PCDHGA2: variants seen among roughly 807,000 people sequenced by gnomAD.
PCDHGA2 encodes protocadherin gamma-A2.
In PCDHGA2, 40 loss-of-function variants were observed where a neutral mutation model predicts 59.2. The observed-to-expected ratio is 0.68, with a 90% CI of 0.52 to 0.88. PCDHGA2 has a LOEUF of 0.88. PCDHGA2 is among the 40% of genes least tolerant of loss of function. The pLI, the probability that PCDHGA2 is intolerant of heterozygous loss-of-function variation, is 0.00. For missense variants in PCDHGA2, 1,226 were observed against 1,204.0 expected (o/e 1.02, Z -0.27); for synonymous variants, 560 against 526.0 (o/e 1.06, Z -0.89).
At chr5:141,461,225 T>C (rs1157429654) in intron 1 of PCDHGA2, among the ~76,000 whole-genome samples, 3 of 152,162 alleles carry the variant, frequency 2.0e-5, no homozygotes, top group African/African-American at 7.2e-5. Flanking sequence ...CTGTTTTCCA[T>C]AGAGGTTGTA....
chr5:141,481,724 C>T (rs1301509633), intron 1 of PCDHGA2, among the ~76,000 whole-genome samples: 2 of 151,882 alleles, frequency 1.3e-5, no homozygotes. Context: ...GAGGCGGAGG[C>T]GGGCGGATCA....
Position 141,439,440 on chromosome 5 carries a change from A to T in PCDHGA2, c.2425-55367A>T, listed in dbSNP as rs147662506. 1.4e-3 allele frequency among the ~76,000 whole-genome samples: 212 copies of T among 152,330 alleles called. 1 individual carries two copies. The highest frequency in any genetic ancestry group is 4.8e-3 in the African/African-American group (198 of 41,576). On this transcript the variant is annotated intron_variant, in intron 1 of 3. Transcript: ENST00000394576. Reference sequence around the variant, plus strand: ...GGTTATAAATTCCCAGGAATATTTTATTGCGGGAGCAAGACTGCACTGCTG... The same window carrying T: ...GGTTATAAATTCCCAGGAATATTTTTTTGCGGGAGCAAGACTGCACTGCTG...
At position 141,498,920 on chromosome 5, in the gene PCDHGA2, G is replaced by A. The variant is rs930391165; in HGVS notation, c.2483+4055G>A. On this transcript the variant is annotated intron_variant, in intron 2 of 3. Transcript: ENST00000394576. ...TGCACTCCAGTCTGGGTGACAGAGC[G>A]AGACTCCATCAGGAAAGAAAGAAAG... 3.3e-4 allele frequency among the ~76,000 whole-genome samples: 47 copies of A among 142,950 alleles called. 1 individual carries two copies. Among genetic ancestry groups the A allele is most frequent in the African/African-American group, 8.9e-4 (35 of 39,160 alleles). The allele number at this position is 142,950 out of a possible 152,430, so 93.8% of individuals were successfully genotyped here. A position where few individuals can be genotyped will look rare whatever the true frequency, so the allele number is the denominator to read the frequency against.
chr5:141,431,227 C>A lies in PCDHGA2; in HGVS notation c.2425-63580C>A, dbSNP rs759752051. On this transcript the variant is annotated intron_variant, in intron 1 of 3. Transcript: ENST00000394576. This position sits in a 1 kb window ranked among gnomAD's most constrained non-coding sequence, Gnocchi z 4.8. Reference sequence around the variant, plus strand: ...CTGAGATGCGGTTCCCTCTACCCCACGCCTGGGATCCGGATATCGGGAAGA... The same window carrying A: ...CTGAGATGCGGTTCCCTCTACCCCAAGCCTGGGATCCGGATATCGGGAAGA... 6.2e-7 allele frequency: 1 copy of A among 1,614,180 alleles called. No homozygotes were observed. The highest frequency in any genetic ancestry group is 8.5e-7 in the Non-Finnish European group (1 of 1,180,042).
intron 1 of PCDHGA2, among the ~76,000 whole-genome samples, chr5:141,492,084 G>C (rs979755390): frequency 2.0e-5 from 3 of 152,236 alleles, no homozygotes; most frequent in African/African-American, 7.2e-5. Flanking sequence ...GCTCCGGCAC[G>C]CTTCGCCGGT....
Position 141,485,208 on chromosome 5 carries a change from G to T in PCDHGA2, c.2425-9599G>T, listed in dbSNP as rs2099609377. On this transcript the variant is annotated intron_variant, in intron 1 of 3. Coordinates refer to ENST00000394576, the MANE Select transcript of PCDHGA2 (RefSeq NM_018915.4). This position sits in a 1 kb window ranked among gnomAD's most constrained non-coding sequence, Gnocchi z 5.7. ...AAGGTGAGAAGCTGGACAGAAATCT[G>T]GCGGTGGGCTACCCTTTTGTTCCTC... The T allele has an allele frequency of 6.2e-7, 1 of 1,613,998 alleles. No homozygotes were observed. The highest frequency in any genetic ancestry group is 1.3e-5 in the African/African-American group (1 of 74,930).
At chr5:141,360,594 A>C (rs1375239245) in intron 1 of PCDHGA2, 1 of 1,614,032 alleles carries the variant, frequency 6.2e-7, no homozygotes, top group Admixed American at 1.7e-5. Flanking sequence ...CAACATTTCC[A>C]CTTGACCCAG....
At chr5:141,397,223 T>C (rs144227558) in intron 1 of PCDHGA2, among the ~76,000 whole-genome samples, 1 of 152,304 alleles carries the variant, frequency 6.6e-6, no homozygotes, top group East Asian at 1.9e-4. Context: ...TATTTTGAGA[T>C]ATGAAGAAGA....
intron 1 of PCDHGA2, chr5:141,392,963 G>C: frequency 6.2e-7 from 1 of 1,613,922 alleles, no homozygotes; most frequent in Non-Finnish European, 8.5e-7. Flanking sequence ...ATATCTCCAA[G>C]GACCTGGGGC....
At chr5:141,502,024 C>G (rs2099812413) in intron 2 of PCDHGA2, among the ~76,000 whole-genome samples, 1 of 152,152 alleles carries the variant, frequency 6.6e-6, no homozygotes, top group African/African-American at 2.4e-5. Context: ...TCCCTGCAAC[C>G]CCCGCCGCTT....
rs771356119 is a variant in PCDHGA2 at position 141,385,251 on chromosome 5, C to G, written c.2424+43856C>G. Reference sequence around the variant, plus strand: ...TAGACATGCTCATCAGCCAGGAGAGCTGTGAGAAAAATGATTCTTTGCTAA... The same window carrying G: ...TAGACATGCTCATCAGCCAGGAGAGGTGTGAGAAAAATGATTCTTTGCTAA... On this transcript the variant is annotated intron_variant, in intron 1 of 3. Coordinates refer to ENST00000394576, the MANE Select transcript of PCDHGA2 (RefSeq NM_018915.4). The G allele has an allele frequency of 1.2e-5, 19 of 1,613,660 alleles. No individual in the cohort carries two copies. The Admixed American group carries it at 1.8e-4, about 16-fold the overall frequency.
chr5:141,364,731 G>A (rs932792949), intron 1 of PCDHGA2: 1 of 1,613,914 alleles, frequency 6.2e-7, no homozygotes, highest in Non-Finnish European at 8.5e-7. Context: ...CCGCGTTTCC[G>A]GGATGAAGAG....
chr5:141,384,705 C>T lies in PCDHGA2; in HGVS notation c.2424+43310C>T, dbSNP rs761874903. ...TGGACAAAGATTCAGGCCAGAACGC[C>T]TGGCTGTCATACCTCCTGCTTAAGG... On this transcript the variant is annotated intron_variant, in intron 1 of 3. Coordinates refer to ENST00000394576, the MANE Select transcript of PCDHGA2 (RefSeq NM_018915.4). 19 of 1,614,140 alleles carry T rather than the reference C, an allele frequency of 1.2e-5. No individual in the cohort carries two copies. The South Asian group carries it at 1.8e-4, about 15-fold the overall frequency.
intron 1 of PCDHGA2, among the ~76,000 whole-genome samples, chr5:141,473,057 A>G (rs2099313037): frequency 2.6e-5 from 4 of 152,056 alleles, no homozygotes; most frequent in Non-Finnish European, 5.9e-5. Flanking sequence ...AAGTGATACA[A>G]CAAGTTACAG....
At chr5:141,352,447 C>T (rs752870909) in intron 1 of PCDHGA2, 2 of 1,614,048 alleles carry the variant, frequency 1.2e-6, no homozygotes, top group Admixed American at 3.3e-5. Flanking sequence ...GTCTCTGCTC[C>T]AAGTCTGGGC....
rs201412037 is a variant in PCDHGA2, at chr5:141,421,093, A to G, written c.2425-73714A>G. The G allele has an allele frequency of 3.5e-5, 23 of 665,630 alleles. No homozygotes were observed. In the East Asian group the frequency reaches 6.2e-4, roughly 18 times the overall value. 41.2% of individuals were successfully genotyped at this position (665,630 alleles called of 1,614,324 possible). On this transcript the variant is annotated intron_variant, in intron 1 of 3. Coordinates refer to ENST00000394576, the MANE Select transcript of PCDHGA2 (RefSeq NM_018915.4). ...GAGATGGATACTCACAGATCCTGAC[A>G]CTGGAGACTTAGAAGTATTTTCCTT... is the stretch of plus-strand genomic sequence containing the variant.
At chr5:141,446,221 T>C (rs2098493855) in intron 1 of PCDHGA2, among the ~76,000 whole-genome samples, 1 of 152,164 alleles carries the variant, frequency 6.6e-6, no homozygotes, top group African/African-American at 2.4e-5. Flanking sequence ...AATATTGTTG[T>C]GTTGCCTGGC....
At chr5:141,478,740 C>T (rs2099474176) in intron 1 of PCDHGA2, 7 of 1,531,524 alleles carry the variant, frequency 4.6e-6, no homozygotes, top group Non-Finnish European at 6.2e-6. Flanking sequence ...GGTTTGTGGT[C>T]CCATTTCAGG....
At chr5:141,407,243 C>G (rs1191688729) in intron 1 of PCDHGA2, among the ~76,000 whole-genome samples, 1 of 152,168 alleles carries the variant, frequency 6.6e-6, no homozygotes, top group African/African-American at 2.4e-5. Context: ...AAGCATACTT[C>G]AGGCTCATAT....
Sources: gnomAD v4.1 joint callset for allele counts (sites outside exome capture counted in the v4.1 genomes callset) on GRCh38, gnomAD v4.1.1 for gene constraint, Gnocchi (gnomAD v3.1) non-coding constraint, MANE v1.5 for transcripts, NCBI Gene and HGNC (gene_info 2026-07-23, HGNC 2026-07-21) for gene names.